The following MON1B variants were observed in gnomAD, a reference collection of about 807,000 sequenced individuals.
The protein encoded by MON1B is MON1 vesicular trafficking associated B, also known as vacuolar fusion protein MON1 homolog B.
In MON1B, 26 loss-of-function variants were observed where a neutral mutation model predicts 45.1. The ratio of observed to expected loss-of-function variants is 0.58; its 90% CI spans 0.42 to 0.80. The LOEUF (loss-of-function observed/expected upper bound fraction) is 0.80, where lower values mean the gene tolerates loss of function less well. Among genes scored for constraint, MON1B ranks in the 30% least tolerant of loss-of-function variants. The probability of loss-of-function intolerance (pLI) is 0.00; values close to 1 mark genes in which losing one functional copy is unlikely to be tolerated. For synonymous variants in MON1B, 395 were observed against 320.2 expected (o/e 1.23, Z -2.49); for missense variants, 737 against 754.5 (o/e 0.98, Z 0.27).
chr16:77,195,226 A>AT lies in MON1B; in HGVS notation c.1295+73dup, dbSNP rs146790031. The AT allele has an allele frequency of 1.1e-3, 1,463 of 1,375,678 alleles. 14 individuals are homozygous for AT. The African/African-American group carries it at 0.019, about 18-fold the overall frequency. 85.2% of individuals were successfully genotyped at this position (1,375,678 alleles called of 1,614,324 possible). On this transcript the variant is annotated intron_variant, in intron 4 of 5. Coordinates refer to ENST00000248248, the MANE Select transcript of MON1B (RefSeq NM_014940.4). ...AACCAGGAAGTTCAGCATCTCAGGGATGTGACTCAGGAGAGATAACCAGCC... is the reference window on the plus strand; with the variant it reads ...AACCAGGAAGTTCAGCATCTCAGGGATTGTGACTCAGGAGAGATAACCAGCC...
Position 77,191,547 on chromosome 16 carries a change from C to A in MON1B, c.62C>A (p.Thr21Lys), listed in dbSNP as rs773699761. The A allele has an allele frequency of 3.1e-6, 5 of 1,608,610 alleles. No individual in the cohort carries two copies. Among genetic ancestry groups the A allele is most frequent in the Non-Finnish European group, 4.2e-6 (5 of 1,178,500 alleles). The stretch of plus-strand genomic sequence containing the variant: ...GGGGGCGCGGAGGACTTGGAGGACA[C>A]GCAGTTCCCCAGTGAGGAAGCTAGA... ...APGGAEDLED[T>K]QFPSEEAREG... The change falls in exon 2 of 6, where the codon ACG becomes AAG. Residue 21 changes from threonine to lysine, a missense_variant. Physicochemically the swap from Thr to Lys is moderately conservative, Grantham distance 78 (BLOSUM62 -1). Coordinates refer to ENST00000248248, the MANE Select transcript of MON1B (RefSeq NM_014940.4).
At chr16:77,196,220 C>T (rs1007581347) in intron 5 of MON1B, among the ~76,000 whole-genome samples, 3 of 152,186 alleles carry the variant, frequency 2.0e-5, no homozygotes, top group Non-Finnish European at 4.4e-5. Context: ...TGGCACCTGC[C>T]ATGTAATGCA....
Position 77,199,506 on chromosome 16 carries a change from G to A in MON1B, c.*1198G>A. Reference sequence around the variant, plus strand: ...GGAGGCGCCAGAAGCTACTGAGGAGGCTGAAGGTAGTGAGGGCAAGTGGGC... The same window carrying A: ...GGAGGCGCCAGAAGCTACTGAGGAGACTGAAGGTAGTGAGGGCAAGTGGGC... On this transcript the variant is annotated 3_prime_UTR_variant, in exon 6 of 6. Coordinates refer to ENST00000248248, the MANE Select transcript of MON1B (RefSeq NM_014940.4). 6.4e-7 allele frequency: 1 copy of A among 1,551,486 alleles called. No homozygotes were observed.
chr16:77,200,598 A>G lies in MON1B; in HGVS notation c.*2290A>G, dbSNP rs1597380662. 6.6e-6 allele frequency: 1 copy of G among 152,080 alleles called. No homozygotes were observed. The highest frequency in any genetic ancestry group is 2.4e-5 in the African/African-American group (1 of 41,400). The allele number at this position is 152,080 out of a possible 1,614,324, so 9.4% of individuals were successfully genotyped here. Reference sequence around the variant, plus strand: ...TGGCGAAACCTCGTCTCTACTAAAAATACAAAAATTGTCCGGGTGTGGTGG... The same window carrying G: ...TGGCGAAACCTCGTCTCTACTAAAAGTACAAAAATTGTCCGGGTGTGGTGG... On this transcript the variant is annotated 3_prime_UTR_variant, in exon 6 of 6. Coordinates refer to ENST00000248248, the MANE Select transcript of MON1B (RefSeq NM_014940.4).
intron 4 of MON1B, 72 bp from the exon 5 acceptor site, chr16:77,195,463 C>G: frequency 6.7e-7 from 1 of 1,495,188 alleles, no homozygotes; most frequent in South Asian, 1.3e-5. Flanking sequence ...AATCTCTAGA[C>G]TGAGGGAGGA....
In MON1B at chr16:77,195,607, T is replaced by C; in HGVS notation, c.1368T>C (p.His456=). 6.2e-7 allele frequency: 1 copy of C among 1,614,162 alleles called. No homozygotes were observed. The highest frequency in any genetic ancestry group is 8.5e-7 in the Non-Finnish European group (1 of 1,180,006). ...QRLSDLYHRL[H]ARLHSTSRPL... The stretch of plus-strand genomic sequence containing the variant: ...TGTCGGACCTGTACCACCGCCTGCA[T>C]GCTCGTCTCCACAGCACCTCCCGAC... Residue 456 remains histidine (H), a synonymous_variant, in exon 5 of 6, where the codon CAT becomes CAC. Coordinates refer to ENST00000248248, the MANE Select transcript of MON1B (RefSeq NM_014940.4).
In MON1B at chr16:77,191,194, G is replaced by T. The variant is rs1408584996; in HGVS notation, c.-75G>T. The T allele has an allele frequency of 4.6e-6, 7 of 1,535,822 alleles. No individual in the cohort carries two copies. Among genetic ancestry groups the T allele is most frequent in the Non-Finnish European group, 6.1e-6 (7 of 1,146,762 alleles). On this transcript the variant is annotated 5_prime_UTR_variant, in exon 1 of 6. Coordinates refer to ENST00000248248, the MANE Select transcript of MON1B (RefSeq NM_014940.4). ...CACCTCCCGGGCCGCACCCGGAAGTGTGATGCCACCGCCGCTACGGGGAAG... is the reference window on the plus strand; with the variant it reads ...CACCTCCCGGGCCGCACCCGGAAGTTTGATGCCACCGCCGCTACGGGGAAG...
chr16:77,193,682 G>A lies in MON1B; in HGVS notation c.380G>A (p.Gly127Asp). ...GGCAAGCCCATCTACTCGCGGTATG[G>A]TAGTGTGGAGGCGCTGTCGGCTACC... ...EAGKPIYSRY[G>D]SVEALSATMG... The change falls in exon 3 of 6, where the codon GGT becomes GAT. Residue 127 changes from glycine to aspartate, a missense_variant. Physicochemically the swap from Gly to Asp is moderately conservative, Grantham distance 94. Coordinates refer to ENST00000248248, the MANE Select transcript of MON1B (RefSeq NM_014940.4). The surrounding 1 kb of genome is among the most constrained non-coding windows in gnomAD (Gnocchi z 5.0). The A allele has an allele frequency of 6.2e-7, 1 of 1,614,090 alleles. No individual in the cohort carries two copies. Among genetic ancestry groups the A allele is most frequent in the Non-Finnish European group, 8.5e-7 (1 of 1,179,982 alleles).
At chr16:77,195,802 C>A (rs1273049276) in intron 5 of MON1B, 120 bp downstream of exon 5, 1 of 1,237,486 alleles carries the variant, frequency 8.1e-7, no homozygotes, top group African/African-American at 1.5e-5. Flanking sequence ...CTGGGCTGTG[C>A]CTTGCCTGCA....
Position 77,198,173 on chromosome 16 carries a change from G to A in MON1B, c.1509G>A (p.Leu503=). The change falls in exon 6 of 6, where the codon TTG becomes TTA. Residue 503 remains leucine, a synonymous_variant. Transcript: ENST00000248248. ...SPLVTKAGAI[L]VVTKLLRWVK... Reference sequence around the variant, plus strand: ...TGGTGACCAAGGCAGGTGCAATCTTGGTAGTGACCAAACTCCTGCGCTGGG... The same window carrying A: ...TGGTGACCAAGGCAGGTGCAATCTTAGTAGTGACCAAACTCCTGCGCTGGG... The A allele has an allele frequency of 6.2e-7, 1 of 1,614,100 alleles. No individual in the cohort carries two copies.
Position 77,194,534 on chromosome 16 carries a change from A to G in MON1B, c.675A>G (p.Ser225=), listed in dbSNP as rs2054644452. 1 of 1,614,046 alleles carries G rather than the reference A, an allele frequency of 6.2e-7. No individual in the cohort carries two copies. Among genetic ancestry groups the G allele is most frequent in the Non-Finnish European group, 8.5e-7 (1 of 1,180,024 alleles). The change falls in exon 4 of 6, where the codon TCA becomes TCG. Residue 225 remains serine (S), a synonymous_variant. Transcript: ENST00000248248. This position sits in a 1 kb window ranked among gnomAD's most constrained non-coding sequence, Gnocchi z 8.1. The part of the protein sequence containing the change: ...NYDLRRLLAG[S]ERTLDRLLDS... ...ACCTCCGCCGCCTGCTGGCTGGTTC[A>G]GAGCGCACACTGGACCGACTTCTGG...
In MON1B at chr16:77,198,700, G is replaced by A. The variant is rs75457512; in HGVS notation, c.*392G>A. 9.3e-3 allele frequency: 2,266 copies of A among 243,090 alleles called. 38 individuals carry two copies. The highest frequency in any genetic ancestry group is 0.043 in the Admixed American group (852 of 19,764). 15.1% of individuals were successfully genotyped at this position (243,090 alleles called of 1,614,324 possible). A position where few individuals can be genotyped will look rare whatever the true frequency, so the allele number is the denominator to read the frequency against. On this transcript the variant is annotated 3_prime_UTR_variant, in exon 6 of 6. Transcript: ENST00000248248. ...AAGGTGTCTAGGGTGGCCCACGGGG[G>A]TGCTGGAATTGGCACTTCAGGGCCA...
Position 77,200,759 on chromosome 16 carries a change from AAAAAAAGAAAAAAC to A in MON1B, c.*2457_*2470del, listed in dbSNP as rs540991573. ...AGACAGAGTGAGCAAAAAAAAAAAA[AAAAAAAGAAAAAAC>A]AAAAAGAAAAAAATCTCCCAAGGCA... On this transcript the variant is annotated 3_prime_UTR_variant, in exon 6 of 6. Transcript: ENST00000248248. The A allele has an allele frequency of 2.1e-4, 22 of 104,276 alleles. No individual in the cohort carries two copies. The East Asian group carries it at 6.9e-3, about 33-fold the overall frequency. The allele number at this position is 104,276 out of a possible 1,614,324, so 6.5% of individuals were successfully genotyped here.
Position 77,195,161 on chromosome 16 carries a change from C to T in MON1B, c.1295+7C>T. On this transcript the variant is annotated splice_region_variant and intron_variant, in intron 4 of 5. Transcript: ENST00000248248. ...AACTGCCCCAGTTTACCAGGTAGGC[C>T]CTGACCCTAAGGCAACTGGCTGGGT... 1.3e-6 allele frequency: 2 copies of T among 1,571,996 alleles called. No individual in the cohort carries two copies. The highest frequency in any genetic ancestry group is 4.6e-5 in the East Asian group (2 of 43,928).
Position 77,199,328 on chromosome 16 carries a change from C to T in MON1B, c.*1020C>T, listed in dbSNP as rs912407344. 20 of 922,786 alleles carry T rather than the reference C, an allele frequency of 2.2e-5. 1 individual carries two copies. In the South Asian group the frequency reaches 2.8e-4, roughly 13 times the overall value. 57.2% of individuals were successfully genotyped at this position (922,786 alleles called of 1,614,324 possible). On this transcript the variant is annotated 3_prime_UTR_variant, in exon 6 of 6. Coordinates refer to ENST00000248248, the MANE Select transcript of MON1B (RefSeq NM_014940.4). ...TTCTGCGCCTGCCCAGAGCTGACTCCTGATTTAACCGCTGGCGTAACCGCG... is the reference window on the plus strand; with the variant it reads ...TTCTGCGCCTGCCCAGAGCTGACTCTTGATTTAACCGCTGGCGTAACCGCG...
chr16:77,195,527 C>T lies in MON1B; in HGVS notation c.1296-8C>T, dbSNP rs761613792. 9 of 1,609,582 alleles carry T rather than the reference C, an allele frequency of 5.6e-6. No homozygotes were observed. In the Admixed American group the frequency reaches 1.5e-4, roughly 27 times the overall value. ...AACCTTGTCCTCCACCTCCCTCCAT[C>T]ATGGCAGCCCTGAGCTAGAGGCCCC... On this transcript the variant is annotated splice_polypyrimidine_tract_variant and splice_region_variant and intron_variant, in intron 4 of 5. Transcript: ENST00000248248.
Position 77,193,712 on chromosome 16 carries a change from G to A in MON1B, c.410G>A (p.Gly137Asp). The A allele has an allele frequency of 6.2e-7, 1 of 1,614,054 alleles. No homozygotes were observed. The highest frequency in any genetic ancestry group is 8.5e-7 in the Non-Finnish European group (1 of 1,179,948). ...GTGGAGGCGCTGTCGGCTACCATGG[G>A]TGTAATGACCGCCCTGGTGTCCTTT... ...GSVEALSATM[G>D]VMTALVSFVQ... is the part of the protein sequence containing the mutation. The change falls in exon 3 of 6, where the codon GGT (glycine) becomes GAT (aspartate). Residue 137 changes from glycine (G) to aspartate (D), a missense_variant. By Grantham distance (94) the Gly-to-Asp change is moderately conservative. Coordinates refer to ENST00000248248, the MANE Select transcript of MON1B (RefSeq NM_014940.4). This position sits in a 1 kb window ranked among gnomAD's most constrained non-coding sequence, Gnocchi z 5.0.
chr16:77,198,728 C>G lies in MON1B; in HGVS notation c.*420C>G, dbSNP rs1370924089. The G allele has an allele frequency of 2.6e-5, 6 of 227,244 alleles. No individual in the cohort carries two copies. The highest frequency in any genetic ancestry group is 8.8e-6 in the Non-Finnish European group (1 of 114,130). 14.1% of individuals were successfully genotyped at this position (227,244 alleles called of 1,614,324 possible). On this transcript the variant is annotated 3_prime_UTR_variant, in exon 6 of 6. Transcript: ENST00000248248. ...CTGGAATTGGCACTTCAGGGCCAGG[C>G]TATGCTTGGGACTGGCCTGAGGGTA...
rs139357325 is a variant in MON1B, at chr16:77,195,062, C to T, written c.1203C>T (p.Ser401=). 32 of 1,609,588 alleles carry T rather than the reference C, an allele frequency of 2.0e-5. No individual in the cohort carries two copies. Among genetic ancestry groups the T allele is most frequent in the Middle Eastern group, 1.7e-4 (1 of 6,060 alleles). The change falls in exon 4 of 6, where the codon AGC becomes AGT. Residue 401 remains serine (S), a synonymous_variant. Coordinates refer to ENST00000248248, the MANE Select transcript of MON1B (RefSeq NM_014940.4). Reference sequence around the variant, plus strand: ...CATCAGCCAGTGCTCCTGCCTACAGCGTGCAGGCTGTCGGGGCGCCGGGCC... The same window carrying T: ...CATCAGCCAGTGCTCCTGCCTACAGTGTGCAGGCTGTCGGGGCGCCGGGCC... ...NASSASAPAY[S]VQAVGAPGLR...
Sources: gnomAD v4.1 joint callset for allele counts (sites outside exome capture counted in the v4.1 genomes callset) on GRCh38, gnomAD v4.1.1 for gene constraint, Gnocchi (gnomAD v3.1) non-coding constraint, MANE v1.5 for transcripts, NCBI Gene and HGNC (gene_info 2026-07-23, HGNC 2026-07-21) for gene names.